The following APH1B variants were observed in gnomAD, a reference collection of about 807,000 sequenced individuals.
The protein encoded by APH1B is gamma-secretase subunit APH-1B.
A neutral mutation model predicts 28.2 loss-of-function variants in APH1B; 27 were observed. The ratio of observed to expected loss-of-function variants is 0.96; its 90% CI spans 0.70 to 1.32. The LOEUF is 1.32. APH1B is among the 40% of genes most tolerant of loss of function. The probability of loss-of-function intolerance (pLI) is 0.00; values close to 1 mark genes in which losing one functional copy is unlikely to be tolerated. For missense variants in APH1B, 305 were observed against 313.6 expected (o/e 0.97, Z 0.21); for synonymous variants, 141 against 124.6 (o/e 1.13, Z -0.88).
chr15:63,277,906 C>T, intron 1 of APH1B, 170 bp downstream of exon 1: 1 of 666,750 alleles, frequency 1.5e-6, no homozygotes, highest in Non-Finnish European at 2.5e-6. Context: ...GCCTCGCCCT[C>T]TTAGGAAGAA....
intron 1 of APH1B, chr15:63,277,971 A>T: frequency 1.8e-6 from 1 of 561,924 alleles, no homozygotes. Context: ...GGGTTTAGTG[A>T]TCCGTGAAGC....
intron 3 of APH1B, chr15:63,287,179 G>A (rs2038455722): frequency 9.6e-6 from 4 of 414,638 alleles, no homozygotes; most frequent in Non-Finnish European, 1.7e-5. Flanking sequence ...TGCCTTTCTA[G>A]ACCCTTTTCT....
intron 3 of APH1B, 30 bp downstream of exon 3, chr15:63,286,658 GA>G: frequency 3.2e-6 from 5 of 1,558,028 alleles, no homozygotes; most frequent in Admixed American, 4.2e-5. Flanking sequence ...TTTCATTAAG[GA>G]AAAAAATCAT....
chr15:63,282,585 A>T (rs1444183498), intron 2 of APH1B, among the ~76,000 whole-genome samples: 1 of 152,220 alleles, frequency 6.6e-6, no homozygotes, highest in African/African-American at 2.4e-5. Context: ...TGCCAAAAAC[A>T]TACAGTTTAG....
At chr15:63,283,454 T>C (rs2152593323) in intron 2 of APH1B, among the ~76,000 whole-genome samples, 1 of 152,208 alleles carries the variant, frequency 6.6e-6, no homozygotes, top group East Asian at 1.9e-4. Flanking sequence ...GGTCTCAAAC[T>C]CCTGAGCTCA....
chr15:63,299,383 G>A (rs752009159), intron 4 of APH1B, among the ~76,000 whole-genome samples: 7 of 152,066 alleles, frequency 4.6e-5, no homozygotes, highest in Non-Finnish European at 8.8e-5. Context: ...CTGTAAATGA[G>A]AGAATTTTTG....
chr15:63,295,208 G>T (rs2038552109), intron 4 of APH1B, among the ~76,000 whole-genome samples: 1 of 152,196 alleles, frequency 6.6e-6, no homozygotes. Context: ...ACTATTCTAG[G>T]CTAGAGACAA....
At chr15:63,284,116 TGTAA>T (rs1370852498) in intron 2 of APH1B, among the ~76,000 whole-genome samples, 4 of 152,222 alleles carry the variant, frequency 2.6e-5, no homozygotes, top group African/African-American at 9.6e-5. Context: ...AATGGAGAAG[TGTAA>T]GTCTTTTAAC....
chr15:63,305,949 G>A lies in APH1B; in HGVS notation c.*168G>A. ...CACACAACTGCTCTCCGAAAGGGGT[G>A]CTCAGTGGTGTGCGTCCTGGCTGCA... is the stretch of plus-strand genomic sequence containing the variant. On this transcript the variant is annotated 3_prime_UTR_variant, in exon 6 of 6. Transcript: ENST00000261879. 1.1e-6 allele frequency: 1 copy of A among 872,572 alleles called. No individual in the cohort carries two copies. The highest frequency in any genetic ancestry group is 1.7e-6 in the Non-Finnish European group (1 of 593,722). The allele number at this position is 872,572 out of a possible 1,614,324, so 54.1% of individuals were successfully genotyped here. A position where few individuals can be genotyped will look rare whatever the true frequency, so the allele number is the denominator to read the frequency against.
At chr15:63,278,566 GC>G (rs2038351056) in intron 1 of APH1B, among the ~76,000 whole-genome samples, 1 of 152,228 alleles carries the variant, frequency 6.6e-6, no homozygotes, top group South Asian at 2.1e-4. Context: ...GGTCTGTAAA[GC>G]TTGCTATAAT....
At chr15:63,288,843 AAATT>A (rs1275281718) in intron 4 of APH1B, among the ~76,000 whole-genome samples, 1 of 152,212 alleles carries the variant, frequency 6.6e-6, no homozygotes, top group Non-Finnish European at 1.5e-5. Context: ...AACCCGATGA[AAATT>A]AATAAAACAT....
chr15:63,284,011 T>G (rs973024446), intron 2 of APH1B, among the ~76,000 whole-genome samples: 3 of 152,214 alleles, frequency 2.0e-5, no homozygotes, highest in African/African-American at 7.2e-5. Context: ...TACAGTTTAT[T>G]GCTGGACTGT....
At chr15:63,279,429 C>G (rs776107777) in intron 2 of APH1B, 98 bp downstream of exon 2, 4 of 1,132,614 alleles carry the variant, frequency 3.5e-6, no homozygotes, top group Non-Finnish European at 4.9e-6. Flanking sequence ...TCTATGCCCT[C>G]CTACATAGTA....
In APH1B at chr15:63,302,470, C is replaced by A. The variant is rs147879472; in HGVS notation, c.604C>A (p.Gln202Lys). The A allele has an allele frequency of 1.9e-6, 3 of 1,613,044 alleles. No homozygotes were observed. The highest frequency in any genetic ancestry group is 2.5e-6 in the Non-Finnish European group (3 of 1,179,610). ...VLLTHLLVSA[Q>K]TFISSYYGIN... ...CCTGACCCACCTGCTGGTGTCAGCCCAGGTGAGTGTTGCCGCCATGCTCAG... is the reference window on the plus strand; with the variant it reads ...CCTGACCCACCTGCTGGTGTCAGCCAAGGTGAGTGTTGCCGCCATGCTCAG... The change falls in exon 5 of 6, where the codon CAG becomes AAG. Residue 202 changes from glutamine to lysine, a missense_variant and splice_region_variant. By Grantham distance (53) the Gln-to-Lys change is moderately conservative. Transcript: ENST00000261879.
At chr15:63,294,990 T>C (rs2038548545) in intron 4 of APH1B, among the ~76,000 whole-genome samples, 1 of 152,250 alleles carries the variant, frequency 6.6e-6, no homozygotes, top group Non-Finnish European at 1.5e-5. Flanking sequence ...TTCCAGGTGC[T>C]CAGTTATTTC....
chr15:63,278,772 A>G (rs1222994307), intron 1 of APH1B, among the ~76,000 whole-genome samples: 1 of 152,262 alleles, frequency 6.6e-6, no homozygotes, highest in East Asian at 1.9e-4. Context: ...TAAGAATATG[A>G]AAATTGCAGT....
chr15:63,279,193 C>T lies in APH1B; in HGVS notation c.146C>T (p.Ser49Leu), dbSNP rs764562114. Residue 49 changes from serine to leucine, a missense_variant, in exon 2 of 6, where the codon TCG becomes TTG. By Grantham distance (145) the Ser-to-Leu change is moderately radical. Transcript: ENST00000261879. ...TTCTGGTTGGTGTCTCTACTGATTT[C>T]GTCCCTTGTTTGGTTCATGGCAAGA... ...AFFWLVSLLISSLVWFMARVI... is the reference protein window; with the variant it reads ...AFFWLVSLLILSLVWFMARVI... 6 of 1,607,950 alleles carry T rather than the reference C, an allele frequency of 3.7e-6. No individual in the cohort carries two copies. Among genetic ancestry groups the T allele is most frequent in the East Asian group, 2.2e-5 (1 of 44,758 alleles).
intron 4 of APH1B, among the ~76,000 whole-genome samples, chr15:63,297,731 G>A (rs1384203617): frequency 1.3e-5 from 2 of 152,172 alleles, no homozygotes; most frequent in African/African-American, 4.8e-5. Context: ...TAAATAGGAT[G>A]TATGTAGCTG....
At chr15:63,281,290 T>G (rs905875940) in intron 2 of APH1B, among the ~76,000 whole-genome samples, 2 of 152,182 alleles carry the variant, frequency 1.3e-5, no homozygotes, top group African/African-American at 4.8e-5. Context: ...CAGGCATGGT[T>G]GTGGCTTCCA....
Sources: gnomAD v4.1 joint callset for allele counts (sites outside exome capture counted in the v4.1 genomes callset) on GRCh38, gnomAD v4.1.1 for gene constraint, MANE v1.5 for transcripts, NCBI Gene and HGNC (gene_info 2026-07-23, HGNC 2026-07-21) for gene names.